Variants in RAB3GAP1 observed in about 807,000 individuals in gnomAD.
The protein encoded by RAB3GAP1 is rab3 GTPase-activating protein catalytic subunit.
RAB3GAP1 carries 86 observed loss-of-function variants against 130.7 expected under a neutral mutation model. The observed-to-expected ratio is 0.66, with a 90% CI of 0.55 to 0.79. The LOEUF is 0.79. RAB3GAP1 is among the 30% of genes least tolerant of loss of function. RAB3GAP1 has a pLI of 0.00. For missense variants in RAB3GAP1, 1,029 were observed against 1,169.4 expected (o/e 0.88, Z 1.75); for synonymous variants, 367 against 401.7 (o/e 0.91, Z 1.03).
intron 3 of RAB3GAP1, among the ~76,000 whole-genome samples, chr2:135,081,681 GA>G (rs1689825016): frequency 6.6e-6 from 1 of 151,978 alleles, no homozygotes; most frequent in South Asian, 2.1e-4. Context: ...TGTGACTAAA[GA>G]AACATTTGAT....
At chr2:135,121,828 C>T (rs931712189) in intron 8 of RAB3GAP1, among the ~76,000 whole-genome samples, 1 of 152,168 alleles carries the variant, frequency 6.6e-6, no homozygotes, top group South Asian at 2.1e-4. Flanking sequence ...CACGGTGACT[C>T]ACACCTGTAA....
intron 3 of RAB3GAP1, among the ~76,000 whole-genome samples, chr2:135,073,241 C>A (rs561023547): frequency 6.6e-6 from 1 of 152,270 alleles, no homozygotes; most frequent in Non-Finnish European, 1.5e-5. Context: ...AGAGGGAGTG[C>A]ATTTGCCCCC....
At chr2:135,137,843 T>G (rs1691717745) in intron 17 of RAB3GAP1, among the ~76,000 whole-genome samples, 1 of 151,870 alleles carries the variant, frequency 6.6e-6, no homozygotes, top group African/African-American at 2.4e-5. Flanking sequence ...GTTTTTTTTT[T>G]GACACAGAGT....
chr2:135,175,835 G>C (rs779701927), intron 24 of RAB3GAP1, among the ~76,000 whole-genome samples: 2 of 152,306 alleles, frequency 1.3e-5, no homozygotes, highest in Non-Finnish European at 2.9e-5. Flanking sequence ...ACGTGGTAGA[G>C]AGCTACTGAT....
intron 17 of RAB3GAP1, among the ~76,000 whole-genome samples, chr2:135,149,376 A>G (rs942001889): frequency 1.3e-5 from 2 of 152,230 alleles, no homozygotes; most frequent in East Asian, 1.9e-4. Flanking sequence ...GCTAGTATCT[A>G]TCGAGCATGT....
At position 135,149,680 on chromosome 2, in the gene RAB3GAP1, G is replaced by C. The variant is rs189075785; in HGVS notation, c.1924-689G>C. Among the ~76,000 whole-genome samples the C allele has an allele frequency of 1.6e-3, 251 of 152,214 alleles. 3 individuals carry two copies. In the Middle Eastern group the frequency reaches 0.027, roughly 17 times the overall value. On this transcript the variant is annotated intron_variant, in intron 17 of 23. Transcript: ENST00000264158. ...AGAGCAATTTTTTTTTGGAGACAGA[G>C]TCTCGCTCTGTTGCCCAGGCTGGAG...
In RAB3GAP1 at chr2:135,086,661, CTT is replaced by C. The variant is rs59270938; in HGVS notation, c.151-4313_151-4312del. ...CCTGTAGTCCATTGCTTCCCCTAATCTTTTTTTTTTTTTTTTTTTTTTTTTCC... is the reference window on the plus strand; with the variant it reads ...CCTGTAGTCCATTGCTTCCCCTAATCTTTTTTTTTTTTTTTTTTTTTTTCC... On this transcript the variant is annotated intron_variant, in intron 3 of 23. Coordinates refer to ENST00000264158, the MANE Select transcript of RAB3GAP1 (RefSeq NM_012233.3). Among the ~76,000 whole-genome samples the C allele has an allele frequency of 3.4e-3, 219 of 65,034 alleles. 1 individual carries two copies. Among genetic ancestry groups the C allele is most frequent in the African/African-American group, 9.8e-3 (152 of 15,506 alleles). The allele number at this position is 65,034 out of a possible 152,430, so 42.7% of individuals were successfully genotyped here. A position where few individuals can be genotyped will look rare whatever the true frequency, so the allele number is the denominator to read the frequency against.
Position 135,133,734 on chromosome 2 carries a change from T to A in RAB3GAP1, c.1327-127T>A, listed in dbSNP as rs79431026. 1.3e-3 allele frequency: 985 copies of A among 761,352 alleles called. 6 individuals are homozygous for A. The African/African-American group carries it at 0.015, about 12-fold the overall frequency. 47.2% of individuals were successfully genotyped at this position (761,352 alleles called of 1,614,324 possible). A position where few individuals can be genotyped will look rare whatever the true frequency, so the allele number is the denominator to read the frequency against. ...TTTATGCAGTAGTGTATTAGACATT[T>A]GATAATGCCTAGTTTAGGTGGGATA... On this transcript the variant is annotated intron_variant, in intron 14 of 23. Transcript: ENST00000264158.
intron 17 of RAB3GAP1, chr2:135,136,903 A>C (rs1333697386): frequency 4.1e-6 from 1 of 244,634 alleles, no homozygotes; most frequent in Non-Finnish European, 8.0e-6. Context: ...TGTATAAGAA[A>C]GTAACAAACA....
chr2:135,150,241 C>G, intron 17 of RAB3GAP1, 128 bp from the exon 18 acceptor site: 3 of 1,157,626 alleles, frequency 2.6e-6, no homozygotes, highest in Middle Eastern at 2.5e-4. Context: ...ATGCATTTCT[C>G]TGAATTTTTA....
chr2:135,107,506 G>A (rs1690662783), intron 5 of RAB3GAP1, among the ~76,000 whole-genome samples: 1 of 151,866 alleles, frequency 6.6e-6, no homozygotes, highest in Non-Finnish European at 1.5e-5. Flanking sequence ...TTAAAGATGT[G>A]TATTATAATA....
intron 5 of RAB3GAP1, among the ~76,000 whole-genome samples, chr2:135,103,873 CA>C (rs1248800663): frequency 6.6e-6 from 1 of 152,184 alleles, no homozygotes; most frequent in Non-Finnish European, 1.5e-5. Flanking sequence ...AAAAATTTAA[CA>C]AGGAGATCTT....
intron 3 of RAB3GAP1, among the ~76,000 whole-genome samples, chr2:135,067,150 T>C (rs1040265083): frequency 6.6e-6 from 1 of 152,224 alleles, no homozygotes; most frequent in Admixed American, 6.5e-5. Flanking sequence ...ACAGTTTAGA[T>C]TCCTTTATTT....
At chr2:135,166,256 C>G (rs1692647028) in intron 23 of RAB3GAP1, among the ~76,000 whole-genome samples, 1 of 151,822 alleles carries the variant, frequency 6.6e-6, no homozygotes, top group South Asian at 2.1e-4. Context: ...TTTTAGATAA[C>G]TAAGCAAAAT....
intron 19 of RAB3GAP1, among the ~76,000 whole-genome samples, chr2:135,159,859 A>G (rs989894980): frequency 2.0e-5 from 3 of 152,218 alleles, no homozygotes; most frequent in Non-Finnish European, 4.4e-5. Flanking sequence ...TGAAAATATT[A>G]TGCTCAGTGA....
At chr2:135,062,405 C>T (rs550537022) in intron 3 of RAB3GAP1, among the ~76,000 whole-genome samples, 11 of 152,326 alleles carry the variant, frequency 7.2e-5, no homozygotes, top group African/African-American at 1.9e-4. Flanking sequence ...GCCAAATGCC[C>T]GCTGAGGGGC....
At chr2:135,124,285 T>G (rs1360063656) in intron 9 of RAB3GAP1, 39 bp downstream of exon 9, 1 of 1,560,750 alleles carries the variant, frequency 6.4e-7, no homozygotes. Flanking sequence ...GTGGGAATAT[T>G]TTACTTTGAA....
intron 22 of RAB3GAP1, among the ~76,000 whole-genome samples, chr2:135,163,966 C>G (rs1331588319): frequency 6.6e-6 from 1 of 152,214 alleles, no homozygotes; most frequent in Non-Finnish European, 1.5e-5. Context: ...AGAATAAGCT[C>G]TAATCAAGGG....
At chr2:135,105,174 GCTCTCC>G (rs146903354) in intron 5 of RAB3GAP1, among the ~76,000 whole-genome samples, 5,149 of 140,526 alleles carry the variant, frequency 0.037, 268 homozygotes, top group African/African-American at 0.099. Context: ...ACAAATGTGA[GCTCTCC>G]CTCTCCCTCT....
Sources: allele counts gnomAD v4.1 joint callset (sites outside exome capture counted in the v4.1 genomes callset), GRCh38; gene constraint gnomAD v4.1.1; transcripts MANE v1.5; gene names NCBI Gene and HGNC (gene_info 2026-07-23, HGNC 2026-07-21).